Variants in CC2D2A observed in about 807,000 individuals in gnomAD.
CC2D2A encodes the protein coiled-coil and C2 domain containing 2A.
Under a neutral mutation model 212.9 loss-of-function variants are expected in CC2D2A, and 155 were observed. That is an observed-to-expected ratio of 0.73 (90% CI 0.64 to 0.83). The LOEUF is 0.83. Among genes scored for constraint, CC2D2A ranks in the 40% least tolerant of loss-of-function variants. CC2D2A has a pLI of 0.00. For missense variants in CC2D2A, 1,856 were observed against 1,956.2 expected (o/e 0.95, Z 0.97); for synonymous variants, 667 against 686.5 (o/e 0.97, Z 0.44).
intron 31 of CC2D2A, among the ~76,000 whole-genome samples, chr4:15,587,068 G>T (rs567073464): frequency 6.6e-6 from 1 of 152,196 alleles, no homozygotes; most frequent in African/African-American, 2.4e-5. Flanking sequence ...TAGTTTTGTA[G>T]AATACAATTT....
intron 11 of CC2D2A, among the ~76,000 whole-genome samples, 193 bp downstream of exon 11, chr4:15,516,949 T>C (rs1253993217): frequency 7.1e-6 from 1 of 140,860 alleles, no homozygotes; most frequent in East Asian, 2.1e-4. Flanking sequence ...CCCTTCTTTT[T>C]TTTTTTTTTT....
At chr4:15,593,727 G>C (rs950887253) in intron 33 of CC2D2A, among the ~76,000 whole-genome samples, 1 of 152,002 alleles carries the variant, frequency 6.6e-6, no homozygotes, top group Non-Finnish European at 1.5e-5. Context: ...AATCCTACTG[G>C]TTCCACCTTC....
chr4:15,583,721 G>A (rs541304692), intron 30 of CC2D2A, among the ~76,000 whole-genome samples: 142 of 152,170 alleles, frequency 9.3e-4, no homozygotes, highest in African/African-American at 2.8e-3. Flanking sequence ...AGGCCGAGGC[G>A]GGCGGATCAC....
At chr4:15,549,767 C>T (rs1718902862) in intron 17 of CC2D2A, among the ~76,000 whole-genome samples, 1 of 152,122 alleles carries the variant, frequency 6.6e-6, no homozygotes, top group Non-Finnish European at 1.5e-5. Context: ...CACGGCACTG[C>T]ACTCCAGCCT....
At chr4:15,548,943 A>G (rs1324307475) in intron 17 of CC2D2A, among the ~76,000 whole-genome samples, 1 of 152,244 alleles carries the variant, frequency 6.6e-6, no homozygotes, top group Non-Finnish European at 1.5e-5. Context: ...AATGTTACAG[A>G]ATTTTTTGAG....
At chr4:15,563,986 A>G in intron 24 of CC2D2A, 1 of 168,610 alleles carries the variant, frequency 5.9e-6, no homozygotes, top group Non-Finnish European at 1.3e-5. Context: ...CAGGGTCAGA[A>G]GCACCAGCCC....
intron 19 of CC2D2A, among the ~76,000 whole-genome samples, chr4:15,554,162 T>C (rs1179146668): frequency 6.6e-6 from 1 of 152,228 alleles, no homozygotes; most frequent in Non-Finnish European, 1.5e-5. Flanking sequence ...GACTATGCCT[T>C]TGAATGTAAG....
At chr4:15,499,606 T>G (rs937316946) in intron 4 of CC2D2A, among the ~76,000 whole-genome samples, 9 of 152,198 alleles carry the variant, frequency 5.9e-5, no homozygotes, top group African/African-American at 2.2e-4. Flanking sequence ...TAAAGAATAA[T>G]TCATAAAATT....
intron 1 of CC2D2A, among the ~76,000 whole-genome samples, chr4:15,471,261 A>C (rs766367527): frequency 4.6e-5 from 7 of 152,174 alleles, no homozygotes; most frequent in Non-Finnish European, 1.0e-4. Flanking sequence ...TCATGGGTAG[A>C]AGTGCAGGAG....
chr4:15,541,169 A>T (rs1718422233), intron 17 of CC2D2A, among the ~76,000 whole-genome samples, 155 bp downstream of exon 17: 1 of 151,916 alleles, frequency 6.6e-6, no homozygotes, highest in Non-Finnish European at 1.5e-5. Context: ...AAAAAAAAAA[A>T]TTAGCCAAGT....
At chr4:15,487,207 T>C (rs1414756842) in intron 4 of CC2D2A, among the ~76,000 whole-genome samples, 1 of 152,118 alleles carries the variant, frequency 6.6e-6, no homozygotes. Context: ...TGATTTTCTC[T>C]CTAAATGATC....
At chr4:15,535,686 G>A (rs1718092000) in intron 14 of CC2D2A, among the ~76,000 whole-genome samples, 1 of 152,138 alleles carries the variant, frequency 6.6e-6, no homozygotes, top group African/African-American at 2.4e-5. Flanking sequence ...TGACTTATTT[G>A]GTAGTCATCC....
At chr4:15,493,821 G>A (rs886831064) in intron 4 of CC2D2A, among the ~76,000 whole-genome samples, 2 of 152,214 alleles carry the variant, frequency 1.3e-5, no homozygotes, top group Non-Finnish European at 2.9e-5. Flanking sequence ...TTGAATGATT[G>A]AAGGGTCAAG....
rs751926370 is a variant in CC2D2A at position 15,502,849 on chromosome 4, G to A, written c.364G>A (p.Glu122Lys). ...CAAAGCAGAAAGTGCATTGCTGCAG[G>A]AAATCCCCACTCCTCGGCCCAGACG... The part of the protein sequence containing the change: ...RSKAESALLQ[E>K]IPTPRPRRLR... The change falls in exon 6 of 37, where the codon GAA becomes AAA. Residue 122 changes from glutamate (E) to lysine (K), a missense_variant. By Grantham distance (56) the Glu-to-Lys change is moderately conservative. Around this residue, in one of 5 missense-constraint regions of CC2D2A, gnomAD observed 1,512 missense variants for 1,579.3 expected, o/e 0.96. Coordinates refer to ENST00000424120, the MANE Select transcript of CC2D2A (RefSeq NM_001378615.1). The A allele has an allele frequency of 5.6e-6, 9 of 1,611,502 alleles. No homozygotes were observed. In the East Asian group the frequency reaches 2.0e-4, roughly 36 times the overall value.
At chr4:15,488,395 T>C (rs1188415573) in intron 4 of CC2D2A, among the ~76,000 whole-genome samples, 1 of 152,240 alleles carries the variant, frequency 6.6e-6, no homozygotes, top group Non-Finnish European at 1.5e-5. Context: ...TATCATCCCA[T>C]TCCTTCATGA....
In CC2D2A at chr4:15,529,878, ATTTTTTAAATTTTAT is replaced by A. The variant is rs546823792; in HGVS notation, c.1466+1159_1466+1173del. ...TTTAGGTCTTTTTATTTTTTTATTT[ATTTTTTAAATTTTAT>A]TTTTTTTAATTTTATTATTATTAAG... On this transcript the variant is annotated intron_variant, in intron 13 of 36. Transcript: ENST00000424120. Among the ~76,000 whole-genome samples the A allele has an allele frequency of 1.1e-3, 159 of 141,214 alleles. 1 individual carries two copies. Among genetic ancestry groups the A allele is most frequent in the African/African-American group, 3.8e-3 (150 of 39,042 alleles). The allele number at this position is 141,214 out of a possible 152,430, so 92.6% of individuals were successfully genotyped here.
chr4:15,472,158 A>T (rs1713873101), intron 1 of CC2D2A, among the ~76,000 whole-genome samples: 1 of 152,218 alleles, frequency 6.6e-6, no homozygotes. Flanking sequence ...GGAATCACAG[A>T]GTCTTGGGAT....
chr4:15,570,563 G>A (rs1261559871), intron 28 of CC2D2A, 67 bp downstream of exon 28: 32 of 1,154,062 alleles, frequency 2.8e-5, no homozygotes, highest in East Asian at 1.6e-4. Context: ...CTATTAAAAC[G>A]TTCTTTGTGG....
intron 21 of CC2D2A, among the ~76,000 whole-genome samples, chr4:15,558,512 C>T (rs1293954931): frequency 6.6e-6 from 1 of 152,034 alleles, no homozygotes; most frequent in Admixed American, 6.5e-5. Flanking sequence ...TGGCATCATG[C>T]TCCTCCTTTG....
Sources: allele counts gnomAD v4.1 joint callset (sites outside exome capture counted in the v4.1 genomes callset), GRCh38; gene constraint gnomAD v4.1.1; regional missense constraint gnomAD v4.1.1; transcripts MANE v1.5; gene names NCBI Gene and HGNC (gene_info 2026-07-23, HGNC 2026-07-21).